Variants in XIAP observed in about 807,000 individuals in gnomAD.
XIAP encodes the protein X-linked inhibitor of apoptosis.
XIAP carries 3 observed loss-of-function variants against 33.1 expected under a neutral mutation model. The ratio of observed to expected loss-of-function variants is 0.09; its 90% CI spans 0.04 to 0.23. The LOEUF is 0.23. Among genes scored for constraint, XIAP ranks in the 10% least tolerant of loss-of-function variants. XIAP has a pLI of 1.00. For synonymous variants in XIAP, 98 were observed against 121.3 expected, an observed-to-expected ratio of 0.81 and a Z score of 1.26; for missense variants, 264 against 363.0, an observed-to-expected ratio of 0.73 and a Z score of 2.22.
Position 123,913,632 on chromosome X carries a change from T to C in XIAP, c.*6451T>C. 3.1e-6 allele frequency: 1 copy of C among 323,405 alleles called. No individual in the cohort carries two copies. Among genetic ancestry groups the C allele is most frequent in the Non-Finnish European group, 5.9e-6 (1 of 168,566 alleles). 26.7% of individuals were successfully genotyped at this position (323,405 alleles called of 1,213,427 possible). A position where few individuals can be genotyped will look rare whatever the true frequency, so the allele number is the denominator to read the frequency against. On this transcript the variant is annotated 3_prime_UTR_variant, in exon 7 of 7. Coordinates refer to ENST00000371199, the MANE Select transcript of XIAP (RefSeq NM_001167.4). ...GTAATATTTTAAATTACTATATATG[T>C]TACCATTTTTCTGGATTTAGTAAGA... is the stretch of plus-strand genomic sequence containing the variant.
At chrX:123,902,102 T>C (rs113629633) in intron 6 of XIAP, among the ~76,000 whole-genome samples, 3 of 112,510 alleles carry the variant, frequency 2.7e-5, no homozygotes, top group African/African-American at 9.7e-5. Flanking sequence ...TTTTCCTGCA[T>C]CTTAAACACG....
intron 1 of XIAP, among the ~76,000 whole-genome samples, chrX:123,861,577 GAGAT>G (rs1322271454): frequency 6.3e-5 from 7 of 111,819 alleles, no homozygotes; most frequent in East Asian, 2.8e-4. Flanking sequence ...GAGGAGAAGA[GAGAT>G]AGAAGACTTT....
chrX:123,884,341 G>A (rs2053332522), intron 1 of XIAP, among the ~76,000 whole-genome samples: 1 of 110,629 alleles, frequency 9.0e-6, no homozygotes, highest in African/African-American at 3.3e-5. Context: ...AAAATTAGCC[G>A]GGCATGGTGG....
intron 1 of XIAP, chrX:123,878,782 C>T (rs1022323564): frequency 8.9e-6 from 1 of 112,086 alleles, no homozygotes; most frequent in African/African-American, 3.2e-5. Context: ...CTTTAGCAGT[C>T]TTCTGTGGCA....
At chrX:123,891,457 A>G in intron 4 of XIAP, 141 bp downstream of exon 4, 2 of 316,038 alleles carry the variant, frequency 6.3e-6, no homozygotes, top group Non-Finnish European at 1.1e-5. Context: ...AAATCAATAT[A>G]TGTGTACATT....
At chrX:123,878,745 A>C (rs1304686281) in intron 1 of XIAP, 1 of 112,306 alleles carries the variant, frequency 8.9e-6, no homozygotes, top group Non-Finnish European at 1.9e-5. Flanking sequence ...TATGTTAACG[A>C]TTCCAGGCTT....
At position 123,910,564 on chromosome X, in the gene XIAP, T is replaced by C. The variant is rs17330651; in HGVS notation, c.*3383T>C. On this transcript the variant is annotated 3_prime_UTR_variant, in exon 7 of 7. Coordinates refer to ENST00000371199, the MANE Select transcript of XIAP (RefSeq NM_001167.4). ...CTATGGGATGTATATATATCATTGC[T>C]GTTAGAGAAATGAAATAAAATGGGG... is the stretch of plus-strand genomic sequence containing the variant. 0.22 allele frequency: 72,578 copies of C among 326,341 alleles called. 5,170 individuals are homozygous for C. The highest frequency in any genetic ancestry group is 0.39 in the South Asian group (14,811 of 38,268). 26.9% of individuals were successfully genotyped at this position (326,341 alleles called of 1,213,427 possible).
chrX:123,891,133 A>G (rs949870733), intron 3 of XIAP, 105 bp from the exon 4 acceptor site: 51 of 413,287 alleles, frequency 1.2e-4, no homozygotes, highest in Non-Finnish European at 6.7e-5. Flanking sequence ...GAAGTACTGA[A>G]AAGCAAGTTA....
At chrX:123,887,993 AT>A (rs200988703) in intron 2 of XIAP, among the ~76,000 whole-genome samples, 3 of 99,423 alleles carry the variant, frequency 3.0e-5, no homozygotes, top group Non-Finnish European at 4.0e-5. Flanking sequence ...TCAGAAAAAA[AT>A]AATAATAATT....
chrX:123,912,807 G>A lies in XIAP; in HGVS notation c.*5626G>A, dbSNP rs1022817323. 1 of 318,243 alleles carries A rather than the reference G, an allele frequency of 3.1e-6. No individual in the cohort carries two copies. The highest frequency in any genetic ancestry group is 2.7e-5 in the African/African-American group (1 of 36,872). 26.2% of individuals were successfully genotyped at this position (318,243 alleles called of 1,213,427 possible). A position where few individuals can be genotyped will look rare whatever the true frequency, so the allele number is the denominator to read the frequency against. On this transcript the variant is annotated 3_prime_UTR_variant, in exon 7 of 7. Coordinates refer to ENST00000371199, the MANE Select transcript of XIAP (RefSeq NM_001167.4). ...AGCTGGGACTACAGGCATGCTCCAC[G>A]GTGCCCAGTTAATTTTTTTTGTATT...
chrX:123,911,990 G>A lies in XIAP; in HGVS notation c.*4809G>A, dbSNP rs2053606575. 1 of 328,904 alleles carries A rather than the reference G, an allele frequency of 3.0e-6. No individual in the cohort carries two copies. The highest frequency in any genetic ancestry group is 5.9e-6 in the Non-Finnish European group (1 of 169,881). 27.1% of individuals were successfully genotyped at this position (328,904 alleles called of 1,213,427 possible). On this transcript the variant is annotated 3_prime_UTR_variant, in exon 7 of 7. Transcript: ENST00000371199. ...GCTAATTAGTAGCAGAGCCCTGACT[G>A]GGACATAGTTTGAAGGTGAAAAACT...
chrX:123,900,696 A>G lies in XIAP; in HGVS notation c.1300+3A>G, dbSNP rs1474198676. 1 of 1,206,553 alleles carries G rather than the reference A, an allele frequency of 8.3e-7. No homozygotes were observed. Among genetic ancestry groups the G allele is most frequent in the Non-Finnish European group, 1.1e-6 (1 of 892,048 alleles). On this transcript the variant is annotated splice_donor_region_variant and intron_variant, in intron 6 of 6. Coordinates refer to ENST00000371199, the MANE Select transcript of XIAP (RefSeq NM_001167.4). The stretch of plus-strand genomic sequence containing the variant: ...AAGTCAGACTTCATTACAGAAAGGT[A>G]TGCATTGCTGTTTTTAAAAAGCAAG...
At chrX:123,891,207 G>A in intron 3 of XIAP, 31 bp from the exon 4 acceptor site, 2 of 748,181 alleles carry the variant, frequency 2.7e-6, no homozygotes, top group Non-Finnish European at 4.1e-6. Flanking sequence ...TAATTTATCA[G>A]CTACTAAAGT....
Position 123,860,150 on chromosome X carries a change from C to A in XIAP, c.-176C>A. Reference sequence around the variant, plus strand: ...GCGCGTGAGGGAGACGAAGGGACTTCCGTTTCCTTCACCTAGGCTGGGGCC... The same window carrying A: ...GCGCGTGAGGGAGACGAAGGGACTTACGTTTCCTTCACCTAGGCTGGGGCC... On this transcript the variant is annotated 5_prime_UTR_variant, in exon 1 of 7. Coordinates refer to ENST00000371199, the MANE Select transcript of XIAP (RefSeq NM_001167.4). The A allele has an allele frequency of 3.0e-6, 1 of 328,377 alleles. No individual in the cohort carries two copies. The highest frequency in any genetic ancestry group is 9.8e-5 in the East Asian group (1 of 10,231). 27.1% of individuals were successfully genotyped at this position (328,377 alleles called of 1,213,427 possible).
rs1230057713 is a variant in XIAP, at chrX:123,862,593, G to C, written c.-33+2300G>C. 4.8e-5 allele frequency among the ~76,000 whole-genome samples: 5 copies of C among 103,966 alleles called. No homozygotes were observed. In the Admixed American group the frequency reaches 5.3e-4, roughly 11 times the overall value. The allele number at this position is 103,966 out of a possible 115,157, so 90.3% of individuals were successfully genotyped here. ...GAAAAATTTGACACCTGACGCTGTGGCTCATGTCTGTAATCCCAGCACTTT... is the reference window on the plus strand; with the variant it reads ...GAAAAATTTGACACCTGACGCTGTGCCTCATGTCTGTAATCCCAGCACTTT... On this transcript the variant is annotated intron_variant, in intron 1 of 6. Coordinates refer to ENST00000371199, the MANE Select transcript of XIAP (RefSeq NM_001167.4).
rs1469985156 is a variant in XIAP, at chrX:123,860,276, G to A, written c.-50G>A. The A allele has an allele frequency of 6.1e-6, 2 of 329,961 alleles. No homozygotes were observed. The highest frequency in any genetic ancestry group is 1.2e-5 in the Non-Finnish European group (2 of 170,048). 27.2% of individuals were successfully genotyped at this position (329,961 alleles called of 1,213,427 possible). A position where few individuals can be genotyped will look rare whatever the true frequency, so the allele number is the denominator to read the frequency against. On this transcript the variant is annotated 5_prime_UTR_variant, in exon 1 of 7. Transcript: ENST00000371199. ...AGCCGATCGCCGCGGGGCAGTTCGG[G>A]CCGGCTGTCCTGGCGCGGTGGGTAC... is the stretch of plus-strand genomic sequence containing the variant.
chrX:123,883,290 G>A lies in XIAP; in HGVS notation c.-32-2341G>A, dbSNP rs779845206. Among the ~76,000 whole-genome samples the A allele has an allele frequency of 1.2e-3, 131 of 110,346 alleles. 1 individual carries two copies. The highest frequency in any genetic ancestry group is 4.2e-3 in the African/African-American group (128 of 30,358). ...TAGAGGTGGGGGTTTCACCATGTTG[G>A]TCAGGCTGGTCTCGAACTCCTGACC... On this transcript the variant is annotated intron_variant, in intron 1 of 6. Transcript: ENST00000371199.
chrX:123,890,203 A>T (rs2053393561), intron 3 of XIAP, among the ~76,000 whole-genome samples: 1 of 100,817 alleles, frequency 9.9e-6, no homozygotes, highest in Non-Finnish European at 2.0e-5. Context: ...TTTTTACTAG[A>T]GACGGGGTTT....
Position 123,863,884 on chromosome X carries a change from G to A in XIAP, c.-33+3591G>A, listed in dbSNP as rs190838047. Among the ~76,000 whole-genome samples, 56 of 111,898 alleles carry A rather than the reference G, an allele frequency of 5.0e-4. No individual in the cohort carries two copies. In the South Asian group the frequency reaches 5.1e-3, roughly 10 times the overall value. ...GATTATTAGCAAAGCTTGGACTAGA[G>A]TCTAGGTTCTAGTCTAGTGGCCCTT... On this transcript the variant is annotated intron_variant, in intron 1 of 6. Transcript: ENST00000371199.
Sources: allele counts gnomAD v4.1 joint callset (sites outside exome capture counted in the v4.1 genomes callset), GRCh38; gene constraint gnomAD v4.1.1; transcripts MANE v1.5; gene names NCBI Gene and HGNC (gene_info 2026-07-23, HGNC 2026-07-21).